Variants in MARCHF1 observed in about 807,000 individuals in gnomAD.
The protein encoded by MARCHF1 is E3 ubiquitin-protein ligase MARCHF1.
A neutral mutation model predicts 54.2 loss-of-function variants in MARCHF1; 40 were observed. That is an observed-to-expected ratio of 0.74 (90% CI 0.57 to 0.96). The LOEUF is 0.96. Among genes scored for constraint, MARCHF1 ranks in the 40% least tolerant of loss-of-function variants. MARCHF1 has a pLI of 0.00. For synonymous variants in MARCHF1, 236 were observed against 236.3 expected (o/e 1.00, Z 0.01); for missense variants, 586 against 656.5 (o/e 0.89, Z 1.17).
chr4:163,662,248 G>A (rs12648197), intron 5 of MARCHF1, among the ~76,000 whole-genome samples: 2,449 of 151,788 alleles, frequency 0.016, 50 homozygotes, highest in East Asian at 0.081. Context: ...TTTCTTTGCT[G>A]TCTCATCCTG....
intron 2 of MARCHF1, among the ~76,000 whole-genome samples, chr4:164,055,738 A>G (rs1278112810): frequency 1.3e-5 from 2 of 152,194 alleles, no homozygotes; most frequent in Non-Finnish European, 2.9e-5. Flanking sequence ...AAATTTATAG[A>G]TGCTCTACAG....
chr4:164,136,930 C>T (rs1410410373), intron 1 of MARCHF1, among the ~76,000 whole-genome samples: 1 of 152,130 alleles, frequency 6.6e-6, no homozygotes, highest in African/African-American at 2.4e-5. Flanking sequence ...AAAAAAATTA[C>T]ACCATTTCAA....
intron 5 of MARCHF1, 83 bp downstream of exon 5, chr4:163,700,730 A>G (rs1022862168): frequency 9.6e-7 from 1 of 1,036,552 alleles, no homozygotes; most frequent in South Asian, 1.4e-5. Flanking sequence ...ACAGATAACA[A>G]TTATAGGTTA....
At position 164,005,397 on chromosome 4, in the gene MARCHF1, A is replaced by C. The variant is rs1332701749; in HGVS notation, c.-247-16688T>G. On this transcript the variant is annotated intron_variant, in intron 2 of 9. Transcript: ENST00000514618. ...GCTTCACTCCCCTTGCCAAAACAAA[A>C]ACAAATATACAGCACCAGGATTTTC... 2.6e-5 allele frequency among the ~76,000 whole-genome samples: 4 copies of C among 152,182 alleles called. 1 individual carries two copies. The highest frequency in any genetic ancestry group is 5.9e-5 in the Non-Finnish European group (4 of 68,030).
intron 4 of MARCHF1, among the ~76,000 whole-genome samples, chr4:163,838,390 T>C (rs962965133): frequency 6.6e-6 from 1 of 152,104 alleles, no homozygotes; most frequent in African/African-American, 2.4e-5. Flanking sequence ...AGTCTGTACA[T>C]GTTCAGTATA....
At chr4:163,745,683 A>T (rs964269467) in intron 4 of MARCHF1, among the ~76,000 whole-genome samples, 2 of 152,200 alleles carry the variant, frequency 1.3e-5, no homozygotes, top group Non-Finnish European at 2.9e-5. Context: ...ACATGCCATG[A>T]GATAACTCCC....
intron 8 of MARCHF1, among the ~76,000 whole-genome samples, chr4:163,559,612 G>T (rs1739402779): frequency 6.6e-6 from 1 of 152,208 alleles, no homozygotes; most frequent in Non-Finnish European, 1.5e-5. Flanking sequence ...CTGGATTTGA[G>T]TCACCTCTCA....
chr4:164,025,854 T>C (rs770024959), intron 2 of MARCHF1, among the ~76,000 whole-genome samples: 3 of 151,806 alleles, frequency 2.0e-5, no homozygotes, highest in Non-Finnish European at 4.4e-5. Flanking sequence ...GAAAAAAATA[T>C]TTAAATAAGT....
chr4:164,102,265 G>A (rs1295224058), intron 2 of MARCHF1, among the ~76,000 whole-genome samples: 28 of 69,126 alleles, frequency 4.1e-4, no homozygotes, highest in African/African-American at 1.0e-3. Context: ...TACAGAGAAC[G>A]CCACAAAGAT....
intron 1 of MARCHF1, among the ~76,000 whole-genome samples, chr4:164,140,031 G>A (rs1304710265): frequency 6.6e-6 from 1 of 151,890 alleles, no homozygotes; most frequent in African/African-American, 2.4e-5. Context: ...CTAAGGACCA[G>A]TTAACAAATT....
intron 1 of MARCHF1, among the ~76,000 whole-genome samples, chr4:164,359,115 G>A (rs1272477837): frequency 6.6e-6 from 1 of 152,110 alleles, no homozygotes; most frequent in Non-Finnish European, 1.5e-5. Context: ...ATATGTAATA[G>A]GAAAGCAATT....
intron 5 of MARCHF1, among the ~76,000 whole-genome samples, chr4:163,643,788 GC>G (rs1313970184): frequency 6.6e-6 from 1 of 152,064 alleles, no homozygotes; most frequent in Non-Finnish European, 1.5e-5. Flanking sequence ...GGAAAGATAA[GC>G]AAAATTTTTG....
chr4:163,563,740 C>T lies in MARCHF1; in HGVS notation c.1192-17997G>A, dbSNP rs1042771219. The stretch of plus-strand genomic sequence containing the variant: ...TTCTCAGCAGGATTAAATGGGGCTA[C>T]GTATGTAACAATGCACATACCACAA... On this transcript the variant is annotated intron_variant, in intron 8 of 9. Coordinates refer to ENST00000514618, the MANE Select transcript of MARCHF1 (RefSeq NM_001394959.1). Among the ~76,000 whole-genome samples the T allele has an allele frequency of 2.6e-5, 4 of 152,148 alleles. No individual in the cohort carries two copies. The South Asian group carries it at 8.3e-4, about 31-fold the overall frequency.
intron 1 of MARCHF1, among the ~76,000 whole-genome samples, chr4:164,232,892 G>A (rs1380831754): frequency 1.3e-5 from 2 of 152,112 alleles, no homozygotes; most frequent in South Asian, 2.1e-4. Context: ...CTGTATTTTT[G>A]TCCATTTTAT....
intron 4 of MARCHF1, among the ~76,000 whole-genome samples, chr4:163,705,363 G>T (rs537701029): frequency 5.1e-4 from 77 of 151,602 alleles, no homozygotes; most frequent in African/African-American, 1.7e-3. Context: ...AAGGAAAAAA[G>T]AAAATTGTGC....
intron 1 of MARCHF1, among the ~76,000 whole-genome samples, chr4:164,175,591 A>T (rs1234330466): frequency 6.6e-6 from 1 of 152,256 alleles, no homozygotes; most frequent in Non-Finnish European, 1.5e-5. Context: ...CATTTAAATC[A>T]GAAGACTCTA....
intron 3 of MARCHF1, among the ~76,000 whole-genome samples, chr4:163,914,034 C>A (rs73868936): frequency 0.012 from 1,816 of 151,870 alleles, 41 homozygotes; most frequent in African/African-American, 0.042. Flanking sequence ...AATAAGTGAT[C>A]TTTTCTGACA....
At chr4:163,599,493 C>T (rs1740885519) in intron 7 of MARCHF1, among the ~76,000 whole-genome samples, 1 of 151,964 alleles carries the variant, frequency 6.6e-6, no homozygotes, top group Non-Finnish European at 1.5e-5. Flanking sequence ...AGAAGCTCAG[C>T]AAATACAAAT....
intron 8 of MARCHF1, among the ~76,000 whole-genome samples, chr4:163,555,620 G>T (rs1323992672): frequency 1.3e-5 from 2 of 152,178 alleles, no homozygotes; most frequent in South Asian, 4.2e-4. Flanking sequence ...TACTGCTTCA[G>T]GCATGTTGAA....
Sources: gnomAD v4.1 joint callset for allele counts (sites outside exome capture counted in the v4.1 genomes callset) on GRCh38, gnomAD v4.1.1 for gene constraint, MANE v1.5 for transcripts, NCBI Gene and HGNC (gene_info 2026-07-23, HGNC 2026-07-21) for gene names.